Variants in ADAMTS6 observed in about 807,000 individuals in gnomAD.
The protein encoded by ADAMTS6 is ADAM metallopeptidase with thrombospondin type 1 motif 6.
A neutral mutation model predicts 144.3 loss-of-function variants in ADAMTS6; 23 were observed. That is an observed-to-expected ratio of 0.16 (90% confidence interval 0.11 to 0.23). The LOEUF is 0.23. Among genes scored for constraint, ADAMTS6 ranks in the 10% least tolerant of loss-of-function variants. ADAMTS6 has a pLI of 1.00. For missense variants in ADAMTS6, 999 were observed against 1,379.6 expected, an observed-to-expected ratio of 0.72 and a Z score of 4.37; for synonymous variants, 444 against 457.5, an observed-to-expected ratio of 0.97 and a Z score of 0.38.
At chr5:65,271,935 C>T (rs1580252555) in intron 12 of ADAMTS6, among the ~76,000 whole-genome samples, 1 of 152,136 alleles carries the variant, frequency 6.6e-6, no homozygotes, top group East Asian at 1.9e-4. Flanking sequence ...TTATTGGCTA[C>T]TTACAATATC....
chr5:65,239,719 C>T (rs1364673913), intron 15 of ADAMTS6, among the ~76,000 whole-genome samples: 1 of 151,932 alleles, frequency 6.6e-6, no homozygotes, highest in Non-Finnish European at 1.5e-5. Context: ...TTTGAATAGA[C>T]AGTACAAAAG....
chr5:65,229,048 C>A (rs555237280), intron 15 of ADAMTS6, among the ~76,000 whole-genome samples: 1 of 152,212 alleles, frequency 6.6e-6, no homozygotes, highest in African/African-American at 2.4e-5. Context: ...CCCAAGCATG[C>A]TCCTATGGAC....
intron 15 of ADAMTS6, among the ~76,000 whole-genome samples, chr5:65,231,197 T>C (rs1758216853): frequency 6.6e-6 from 1 of 151,816 alleles, no homozygotes; most frequent in African/African-American, 2.4e-5. Flanking sequence ...GAAAATATAT[T>C]CCATGGAAAC....
intron 9 of ADAMTS6, among the ~76,000 whole-genome samples, chr5:65,306,264 A>C (rs1743933192): frequency 6.6e-6 from 1 of 152,232 alleles, no homozygotes; most frequent in African/African-American, 2.4e-5. Context: ...AGAAGACATG[A>C]ACTCAAAGGT....
chr5:65,436,408 C>A (rs1318651542), intron 7 of ADAMTS6, among the ~76,000 whole-genome samples: 1 of 152,170 alleles, frequency 6.6e-6, no homozygotes, highest in African/African-American at 2.4e-5. Context: ...TATTTCAAGA[C>A]ATGCTTTATT....
At chr5:65,369,128 G>C (rs555319535) in intron 7 of ADAMTS6, among the ~76,000 whole-genome samples, 35 of 152,258 alleles carry the variant, frequency 2.3e-4, no homozygotes, top group African/African-American at 7.9e-4. Context: ...GCTGAGTTGG[G>C]AGGATCCCTT....
rs1436012027 is a variant in ADAMTS6 at position 65,291,225 on chromosome 5, A to C, written c.1512+104T>G. ...GTGTCAAAAGCCATATTTAAATTAA[A>C]GATATTACTAGAGGGAACCGACATT... is the stretch of plus-strand genomic sequence containing the variant. On this transcript the variant is annotated intron_variant, in intron 11 of 24. Transcript: ENST00000381055. The C allele has an allele frequency of 1.5e-5, 20 of 1,335,726 alleles. No homozygotes were observed. The Admixed American group carries it at 4.8e-4, about 32-fold the overall frequency. The allele number at this position is 1,335,726 out of a possible 1,614,324, so 82.7% of individuals were successfully genotyped here.
At chr5:65,286,916 G>A (rs1160668942) in intron 11 of ADAMTS6, among the ~76,000 whole-genome samples, 1 of 152,172 alleles carries the variant, frequency 6.6e-6, no homozygotes, top group Non-Finnish European at 1.5e-5. Flanking sequence ...TAATAAAAAA[G>A]AGATTAATGG....
At chr5:65,401,508 C>A (rs1753914312) in intron 7 of ADAMTS6, among the ~76,000 whole-genome samples, 1 of 152,162 alleles carries the variant, frequency 6.6e-6, no homozygotes, top group Non-Finnish European at 1.5e-5. Context: ...CTGTGAGAAC[C>A]TAGTCAAGCT....
intron 7 of ADAMTS6, among the ~76,000 whole-genome samples, chr5:65,377,504 T>A (rs751581610): frequency 6.6e-6 from 1 of 152,358 alleles, no homozygotes; most frequent in Middle Eastern, 3.4e-3. Context: ...TCCGGAGAGA[T>A]GATTTAGCCC....
At chr5:65,288,361 C>A (rs1230883829) in intron 11 of ADAMTS6, among the ~76,000 whole-genome samples, 1 of 146,176 alleles carries the variant, frequency 6.8e-6, no homozygotes, top group Non-Finnish European at 1.5e-5. Flanking sequence ...GTAGCCCAGG[C>A]TGGACTGGAG....
At chr5:65,343,236 G>A (rs369009473) in intron 7 of ADAMTS6, among the ~76,000 whole-genome samples, 20 of 151,968 alleles carry the variant, frequency 1.3e-4, no homozygotes, top group Non-Finnish European at 2.4e-4. Flanking sequence ...GAATAGACAC[G>A]GCAATCATAA....
chr5:65,272,410 G>A lies in ADAMTS6; in HGVS notation c.1620+930C>T, dbSNP rs143129052. Among the ~76,000 whole-genome samples the A allele has an allele frequency of 7.3e-4, 111 of 151,994 alleles. 1 individual carries two copies. In the East Asian group the frequency reaches 0.02, roughly 27 times the overall value. ...TCACTTTGTTGCATAGGATGGACTC[G>A]AATTTCTAGGCTTGAGTGATCCTCC... On this transcript the variant is annotated intron_variant, in intron 12 of 24. Coordinates refer to ENST00000381055, the MANE Select transcript of ADAMTS6 (RefSeq NM_197941.4).
At chr5:65,167,220 A>AAATACAAACTACCATCAGAG (rs1242668387) in intron 24 of ADAMTS6, among the ~76,000 whole-genome samples, 3 of 151,002 alleles carry the variant, frequency 2.0e-5, no homozygotes, top group Non-Finnish European at 4.4e-5. Flanking sequence ...GATCCCACAG[A>AAATACAAACTACCATCAGAG]AATACAAACT....
Position 65,149,490 on chromosome 5 carries a change from G to A in ADAMTS6, c.*2346C>T, listed in dbSNP as rs1190190551. On this transcript the variant is annotated 3_prime_UTR_variant, in exon 25 of 25. Coordinates refer to ENST00000381055, the MANE Select transcript of ADAMTS6 (RefSeq NM_197941.4). The stretch of plus-strand genomic sequence containing the variant: ...GGGATGCCTGCATTTTGTTCTCAGT[G>A]CTGGGGCACATCCCAGAAGTGACAC... The A allele has an allele frequency of 6.6e-6, 1 of 152,332 alleles. No individual in the cohort carries two copies. The highest frequency in any genetic ancestry group is 1.5e-5 in the Non-Finnish European group (1 of 68,100). 9.4% of individuals were successfully genotyped at this position (152,332 alleles called of 1,614,324 possible). A position where few individuals can be genotyped will look rare whatever the true frequency, so the allele number is the denominator to read the frequency against.
intron 7 of ADAMTS6, among the ~76,000 whole-genome samples, chr5:65,370,101 T>C (rs1049569301): frequency 6.6e-6 from 1 of 152,168 alleles, no homozygotes; most frequent in African/African-American, 2.4e-5. Context: ...TCAAAATGTA[T>C]GTTTTCATTT....
At chr5:65,319,158 GA>G (rs1212110304) in intron 9 of ADAMTS6, among the ~76,000 whole-genome samples, 1 of 151,860 alleles carries the variant, frequency 6.6e-6, no homozygotes, top group Non-Finnish European at 1.5e-5. Flanking sequence ...AATCACACAC[GA>G]AAAATTTTTA....
intron 22 of ADAMTS6, among the ~76,000 whole-genome samples, chr5:65,185,295 A>C (rs1754603789): frequency 6.6e-6 from 1 of 152,238 alleles, no homozygotes; most frequent in Non-Finnish European, 1.5e-5. Context: ...TGGAAGCGTG[A>C]GAGTAAACAC....
chr5:65,388,501 C>A (rs941924811), intron 7 of ADAMTS6, among the ~76,000 whole-genome samples: 1 of 152,138 alleles, frequency 6.6e-6, no homozygotes, highest in Admixed American at 6.5e-5. Flanking sequence ...TAGAAAAGCA[C>A]GCGATTAAAT....
Sources: allele counts gnomAD v4.1 joint callset (sites outside exome capture counted in the v4.1 genomes callset), GRCh38; gene constraint gnomAD v4.1.1; transcripts MANE v1.5; gene names NCBI Gene and HGNC (gene_info 2026-07-23, HGNC 2026-07-21).